POU2F1: variants seen among roughly 807,000 people sequenced by gnomAD.
POU2F1 encodes POU domain, class 2, transcription factor 1.
In POU2F1, 16 loss-of-function variants were observed where a neutral mutation model predicts 84.9. The observed-to-expected ratio is 0.19, with a 90% confidence interval of 0.13 to 0.29. The LOEUF (loss-of-function observed/expected upper bound fraction) is 0.29. POU2F1 is among the 10% of genes least tolerant of loss of function. The pLI, the probability that POU2F1 is intolerant of heterozygous loss-of-function variation, is 1.00. For missense variants in POU2F1, 738 were observed against 942.6 expected (o/e 0.78, Z 2.84); for synonymous variants, 368 against 368.3 (o/e 1.00, Z 0.01).
At chr1:167,374,694 T>C (rs760947179) in intron 6 of POU2F1, among the ~76,000 whole-genome samples, 1 of 152,100 alleles carries the variant, frequency 6.6e-6, no homozygotes, top group Non-Finnish European at 1.5e-5. Context: ...TGCTATGGAG[T>C]GATTAACATT....
chr1:167,252,907 C>A (rs1354320711), intron 1 of POU2F1, among the ~76,000 whole-genome samples: 1 of 152,158 alleles, frequency 6.6e-6, no homozygotes, highest in Non-Finnish European at 1.5e-5. Context: ...TATTTCTATG[C>A]CCAAAGACTG....
chr1:167,380,221 C>T (rs1054389328), intron 7 of POU2F1: 3 of 152,186 alleles, frequency 2.0e-5, no homozygotes, highest in African/African-American at 7.2e-5. Flanking sequence ...TTTATGGGCC[C>T]CTGTTTCCTC....
At chr1:167,239,090 C>T (rs568271004) in intron 1 of POU2F1, among the ~76,000 whole-genome samples, 3 of 152,122 alleles carry the variant, frequency 2.0e-5, no homozygotes, top group East Asian at 1.9e-4. Flanking sequence ...TTTTTCCCCC[C>T]CAAATGGACA....
intron 13 of POU2F1, among the ~76,000 whole-genome samples, chr1:167,408,344 C>T (rs1649725140): frequency 6.6e-6 from 1 of 152,178 alleles, no homozygotes; most frequent in South Asian, 2.1e-4. Context: ...CATAAATTTA[C>T]CGTCCTACCC....
At position 167,360,542 on chromosome 1, in the gene POU2F1, A is replaced by G. The variant is rs1435314459; in HGVS notation, c.128-4925A>G. The stretch of plus-strand genomic sequence containing the variant: ...ATTTTAGAGGTCTCTACTCTGTTAT[A>G]TTGGTCTGTGTATCTATTTTTGTAC... On this transcript the variant is annotated intron_variant, in intron 2 of 15. Transcript: ENST00000367866. Among the ~76,000 whole-genome samples, 4 of 152,162 alleles carry G rather than the reference A, an allele frequency of 2.6e-5. No individual in the cohort carries two copies. In the East Asian group the frequency reaches 7.7e-4, roughly 29 times the overall value.
At chr1:167,277,350 C>T (rs1304260414) in intron 1 of POU2F1, among the ~76,000 whole-genome samples, 2 of 152,044 alleles carry the variant, frequency 1.3e-5, no homozygotes, top group East Asian at 3.9e-4. Flanking sequence ...GATCTACCTG[C>T]CTTGGCCTCC....
intron 13 of POU2F1, among the ~76,000 whole-genome samples, chr1:167,408,450 A>G (rs749224196): frequency 1.3e-5 from 2 of 152,232 alleles, no homozygotes; most frequent in African/African-American, 2.4e-5. Context: ...AAGAACTGGA[A>G]ACAAACCAGT....
chr1:167,325,066 T>C (rs553919990), intron 1 of POU2F1, among the ~76,000 whole-genome samples: 1 of 152,326 alleles, frequency 6.6e-6, no homozygotes, highest in African/African-American at 2.4e-5. Flanking sequence ...TATTTTAGTT[T>C]GTATGTGTGT....
chr1:167,309,902 C>T (rs1655340878), intron 1 of POU2F1, among the ~76,000 whole-genome samples: 1 of 152,048 alleles, frequency 6.6e-6, no homozygotes, highest in Non-Finnish European at 1.5e-5. Context: ...GAAAACATTC[C>T]ATCATTTATG....
intron 1 of POU2F1, among the ~76,000 whole-genome samples, chr1:167,232,631 T>G (rs1039521696): frequency 1.3e-5 from 2 of 152,092 alleles, no homozygotes; most frequent in African/African-American, 2.4e-5. Context: ...TCACCTGAGG[T>G]CAGGAGTTCG....
chr1:167,292,103 G>A (rs183109834), intron 1 of POU2F1, among the ~76,000 whole-genome samples: 3 of 152,146 alleles, frequency 2.0e-5, no homozygotes, highest in East Asian at 3.9e-4. Context: ...TGTGTGAGGC[G>A]GGGGAAGAGC....
chr1:167,281,178 T>C (rs1238463267), intron 1 of POU2F1, among the ~76,000 whole-genome samples: 1 of 152,220 alleles, frequency 6.6e-6, no homozygotes. Flanking sequence ...CATAATGTAT[T>C]TGGGTATTGA....
intron 1 of POU2F1, among the ~76,000 whole-genome samples, chr1:167,286,250 T>A (rs757498356): frequency 6.6e-6 from 1 of 152,228 alleles, no homozygotes; most frequent in Non-Finnish European, 1.5e-5. Context: ...TAGTTCATTC[T>A]CTTTAGCCTT....
At chr1:167,225,850 C>G (rs1249960555) in intron 1 of POU2F1, among the ~76,000 whole-genome samples, 1 of 152,046 alleles carries the variant, frequency 6.6e-6, no homozygotes, top group Non-Finnish European at 1.5e-5. Flanking sequence ...AATTTTGAAA[C>G]CCCATAGTTG....
chr1:167,325,630 G>A (rs1299659439), intron 1 of POU2F1, among the ~76,000 whole-genome samples: 1 of 152,058 alleles, frequency 6.6e-6, no homozygotes, highest in African/African-American at 2.4e-5. Flanking sequence ...GGTGGCTCAT[G>A]CCTGTAATCC....
At chr1:167,222,054 G>C (rs1159451811) in intron 1 of POU2F1, among the ~76,000 whole-genome samples, 2 of 151,928 alleles carry the variant, frequency 1.3e-5, no homozygotes, top group African/African-American at 2.4e-5. Context: ...GCGCCTGACC[G>C]GGACGCACGG....
intron 2 of POU2F1, chr1:167,338,389 G>C (rs2101747254): frequency 5.6e-6 from 2 of 359,670 alleles, no homozygotes; most frequent in Non-Finnish European, 1.1e-5. Flanking sequence ...TCAACAGTAG[G>C]CTATTAGTAT....
At chr1:167,269,783 C>T (rs1652230534) in intron 1 of POU2F1, among the ~76,000 whole-genome samples, 1 of 151,954 alleles carries the variant, frequency 6.6e-6, no homozygotes, top group African/African-American at 2.4e-5. Context: ...TGTGGTGGCA[C>T]ATGCCTATAA....
chr1:167,227,596 T>A (rs1648734282), intron 1 of POU2F1, among the ~76,000 whole-genome samples: 1 of 152,212 alleles, frequency 6.6e-6, no homozygotes, highest in Admixed American at 6.5e-5. Flanking sequence ...TTTGGCTGAT[T>A]CATACTGCAG....
Sources: allele counts gnomAD v4.1 joint callset (sites outside exome capture counted in the v4.1 genomes callset), GRCh38; gene constraint gnomAD v4.1.1; transcripts MANE v1.5; gene names NCBI Gene and HGNC (gene_info 2026-07-23, HGNC 2026-07-21).